The following FHIT variants were observed in gnomAD, a reference collection of about 807,000 sequenced individuals.
The protein encoded by FHIT is bis(5'-adenosyl)-triphosphatase.
FHIT carries 19 observed loss-of-function variants against 17.9 expected under a neutral mutation model. The ratio of observed to expected loss-of-function variants is 1.06; its 90% CI spans 0.74 to 1.56. FHIT has a LOEUF of 1.56. Among genes scored for constraint, FHIT ranks in the 40% most tolerant of loss-of-function variants. FHIT has a pLI of 0.00. For missense variants in FHIT, 248 were observed against 189.2 expected (o/e 1.31, Z -1.82); for synonymous variants, 81 against 69.7 (o/e 1.16, Z -0.81).
intron 5 of FHIT, among the ~76,000 whole-genome samples, chr3:60,049,401 A>G (rs1218826232): frequency 3.3e-5 from 5 of 152,068 alleles, no homozygotes; most frequent in African/African-American, 1.2e-4. Flanking sequence ...AAATTTGAAA[A>G]CCTGTATCTT....
chr3:60,955,626 A>ATACATG (rs1709108496), intron 3 of FHIT, among the ~76,000 whole-genome samples: 1 of 51,584 alleles, frequency 1.9e-5, no homozygotes, highest in Admixed American at 2.1e-4. Flanking sequence ...ATATATATAT[A>ATACATG]TATATATACA....
intron 5 of FHIT, among the ~76,000 whole-genome samples, chr3:60,114,144 A>G (rs7639761): frequency 0.72 from 103,267 of 142,786 alleles, 37,543 homozygotes; most frequent in South Asian, 0.81. Context: ...AACAAGCACA[A>G]CCTTTTATGT....
intron 5 of FHIT, among the ~76,000 whole-genome samples, chr3:60,037,365 T>G (rs1701259946): frequency 6.6e-6 from 1 of 151,030 alleles, no homozygotes; most frequent in Non-Finnish European, 1.5e-5. Flanking sequence ...TTTAACCCAC[T>G]CAGCTTACTT....
intron 5 of FHIT, among the ~76,000 whole-genome samples, chr3:60,366,443 T>G (rs150385412): frequency 6.6e-6 from 1 of 152,178 alleles, no homozygotes; most frequent in Non-Finnish European, 1.5e-5. Context: ...CCTTTTCACA[T>G]GCCATCTCAT....
chr3:60,442,899 C>T lies in FHIT; in HGVS notation c.103+93961G>A, dbSNP rs1168736384. On this transcript the variant is annotated intron_variant, in intron 5 of 9. Coordinates refer to ENST00000492590, the MANE Select transcript of FHIT (RefSeq NM_002012.4). Reference sequence around the variant, plus strand: ...TTTTCATGATATTGATTCTTCCTACCCATGAGCATGGAATGTTCTTCCATT... The same window carrying T: ...TTTTCATGATATTGATTCTTCCTACTCATGAGCATGGAATGTTCTTCCATT... Among the ~76,000 whole-genome samples, 6 of 152,204 alleles carry T rather than the reference C, an allele frequency of 3.9e-5. No individual in the cohort carries two copies. In the East Asian group the frequency reaches 5.8e-4, roughly 15 times the overall value.
intron 4 of FHIT, among the ~76,000 whole-genome samples, chr3:60,811,386 C>G (rs1265864714): frequency 1.3e-5 from 2 of 152,130 alleles, no homozygotes; most frequent in Non-Finnish European, 2.9e-5. Flanking sequence ...TGAGGAATTT[C>G]TGACATTTTA....
intron 2 of FHIT, among the ~76,000 whole-genome samples, chr3:61,085,801 C>T (rs908783111): frequency 3.9e-5 from 6 of 152,178 alleles, no homozygotes; most frequent in East Asian, 1.9e-4. Flanking sequence ...ACTTTGTATA[C>T]AGTACAGGCT....
intron 2 of FHIT, among the ~76,000 whole-genome samples, chr3:61,060,357 G>A (rs1371720401): frequency 1.3e-5 from 2 of 152,124 alleles, no homozygotes; most frequent in Non-Finnish European, 2.9e-5. Flanking sequence ...ATGACATTAA[G>A]TAAGGACTTA....
At chr3:60,286,157 G>C (rs985581440) in intron 5 of FHIT, among the ~76,000 whole-genome samples, 5 of 152,200 alleles carry the variant, frequency 3.3e-5, no homozygotes, top group Admixed American at 2.6e-4. Flanking sequence ...AGAGAAAACA[G>C]ACTCCACCTC....
intron 5 of FHIT, among the ~76,000 whole-genome samples, chr3:60,492,920 C>A (rs2034128658): frequency 1.3e-5 from 2 of 152,120 alleles, no homozygotes; most frequent in Non-Finnish European, 2.9e-5. Context: ...TTTGGGCTTC[C>A]TACTATGTGC....
chr3:59,775,898 C>T (rs1001556235), intron 8 of FHIT, among the ~76,000 whole-genome samples: 9 of 152,242 alleles, frequency 5.9e-5, no homozygotes, highest in East Asian at 3.9e-4. Context: ...AAGTGGTGAG[C>T]GATGGAGAAG....
At chr3:60,113,055 A>T (rs747242804) in intron 5 of FHIT, among the ~76,000 whole-genome samples, 42 of 152,174 alleles carry the variant, frequency 2.8e-4, no homozygotes, top group Non-Finnish European at 5.3e-4. Context: ...GGCTTTCCTG[A>T]CCATCCAATC....
chr3:60,845,398 G>A (rs1027987546), intron 3 of FHIT, among the ~76,000 whole-genome samples: 2 of 152,024 alleles, frequency 1.3e-5, no homozygotes, highest in African/African-American at 4.8e-5. Context: ...CTACTTAAGG[G>A]TAAATGATTA....
At chr3:61,191,368 C>G (rs2107210326) in intron 2 of FHIT, among the ~76,000 whole-genome samples, 1 of 152,234 alleles carries the variant, frequency 6.6e-6, no homozygotes, top group Non-Finnish European at 1.5e-5. Flanking sequence ...GGCCCTCAGA[C>G]TGGGATTATG....
intron 5 of FHIT, among the ~76,000 whole-genome samples, chr3:60,398,612 A>G (rs1172777889): frequency 6.6e-6 from 1 of 152,180 alleles, no homozygotes; most frequent in East Asian, 1.9e-4. Flanking sequence ...ATACTTTATA[A>G]TCTGTATTCA....
intron 4 of FHIT, among the ~76,000 whole-genome samples, chr3:60,681,235 A>G (rs189631289): frequency 2.6e-5 from 4 of 152,220 alleles, no homozygotes; most frequent in African/African-American, 9.6e-5. Context: ...CATTATTATT[A>G]TGTCTGTTGT....
intron 4 of FHIT, among the ~76,000 whole-genome samples, chr3:60,667,801 T>C (rs1553692844): frequency 6.6e-6 from 1 of 152,196 alleles, no homozygotes; most frequent in Non-Finnish European, 1.5e-5. Flanking sequence ...TTTTATCAGC[T>C]GTGGCTCCAG....
chr3:60,206,616 G>T (rs374878405), intron 5 of FHIT, among the ~76,000 whole-genome samples: 4 of 152,128 alleles, frequency 2.6e-5, no homozygotes, highest in Non-Finnish European at 4.4e-5. Context: ...TATCAATCAC[G>T]GAATGCAGGA....
At chr3:60,938,789 C>T (rs1708294699) in intron 3 of FHIT, among the ~76,000 whole-genome samples, 1 of 152,166 alleles carries the variant, frequency 6.6e-6, no homozygotes, top group Non-Finnish European at 1.5e-5. Flanking sequence ...GGTCCCGTCC[C>T]CTCCAAAGAG....
Sources: allele counts gnomAD v4.1 joint callset (sites outside exome capture counted in the v4.1 genomes callset), GRCh38; gene constraint gnomAD v4.1.1; transcripts MANE v1.5; gene names NCBI Gene and HGNC (gene_info 2026-07-23, HGNC 2026-07-21).